Variants in MAST2 observed in about 807,000 individuals in gnomAD.
MAST2 encodes the protein microtubule associated serine/threonine kinase 2.
In MAST2, 70 loss-of-function variants were observed where a neutral mutation model predicts 147.4. The ratio of observed to expected loss-of-function variants is 0.47; its 90% CI spans 0.39 to 0.58. The LOEUF is 0.58. MAST2 is among the 20% of genes least tolerant of loss of function. The pLI is 0.00. For synonymous variants in MAST2, 869 were observed against 896.8 expected, an observed-to-expected ratio of 0.97 and a Z score of 0.55; for missense variants, 2,080 against 2,302.3, an observed-to-expected ratio of 0.90 and a Z score of 1.98.
At position 45,985,261 on chromosome 1, in the gene MAST2, G is replaced by GT. The variant is rs1232993332; in HGVS notation, c.593-12451dup. Among the ~76,000 whole-genome samples the GT allele has an allele frequency of 4.5e-3, 638 of 143,216 alleles. 3 individuals carry two copies. Among genetic ancestry groups the GT allele is most frequent in the African/African-American group, 0.012 (482 of 39,540 alleles). The allele number at this position is 143,216 out of a possible 152,430, so 94.0% of individuals were successfully genotyped here. ...CCTGCTAATTTTTGTGTGTGTGTGT[G>GT]TTTTTTTTTTTTAGTAGAGACCAGG... On this transcript the variant is annotated intron_variant, in intron 5 of 28. Transcript: ENST00000361297.
chr1:45,880,233 A>T (rs1646784233), intron 3 of MAST2, among the ~76,000 whole-genome samples: 1 of 152,228 alleles, frequency 6.6e-6, no homozygotes, highest in Non-Finnish European at 1.5e-5. Flanking sequence ...TCATATTGCC[A>T]TTGTTACCTG....
At chr1:45,978,265 A>G (rs770199940) in intron 5 of MAST2, among the ~76,000 whole-genome samples, 10 of 152,030 alleles carry the variant, frequency 6.6e-5, no homozygotes, top group Non-Finnish European at 1.2e-4. Context: ...TGTAATGCCA[A>G]CCTTTTGGGA....
At chr1:45,826,454 G>C (rs930644477) in intron 2 of MAST2, among the ~76,000 whole-genome samples, 2 of 152,146 alleles carry the variant, frequency 1.3e-5, no homozygotes, top group Non-Finnish European at 2.9e-5. Flanking sequence ...CTGGGCTCAA[G>C]TGATCCTCCC....
intron 3 of MAST2, among the ~76,000 whole-genome samples, chr1:45,880,693 T>C (rs1646804971): frequency 6.6e-6 from 1 of 152,018 alleles, no homozygotes; most frequent in South Asian, 2.1e-4. Context: ...TTGTGAAAAG[T>C]AAACCGGCTG....
At chr1:45,806,019 C>CT (rs1221463646) in intron 1 of MAST2, among the ~76,000 whole-genome samples, 1 of 152,104 alleles carries the variant, frequency 6.6e-6, no homozygotes, top group African/African-American at 2.4e-5. Flanking sequence ...TCACCGAAAG[C>CT]TTTTTTTGTG....
chr1:45,822,442 C>T (rs1380034725), intron 1 of MAST2, among the ~76,000 whole-genome samples: 4 of 152,054 alleles, frequency 2.6e-5, no homozygotes, highest in Non-Finnish European at 4.4e-5. Context: ...CCTCTGTTAT[C>T]TGGTTTCTTT....
At chr1:45,895,921 C>G (rs1648657748) in intron 4 of MAST2, among the ~76,000 whole-genome samples, 1 of 152,134 alleles carries the variant, frequency 6.6e-6, no homozygotes, top group South Asian at 2.1e-4. Flanking sequence ...AATATTTACA[C>G]TTTTCTTTGG....
In MAST2 at chr1:45,885,028, C is replaced by G. The variant is rs564099906; in HGVS notation, c.500+2633C>G. 2.0e-5 allele frequency among the ~76,000 whole-genome samples: 3 copies of G among 152,266 alleles called. No individual in the cohort carries two copies. The East Asian group carries it at 5.8e-4, about 29-fold the overall frequency. On this transcript the variant is annotated intron_variant, in intron 4 of 28. Coordinates refer to ENST00000361297, the MANE Select transcript of MAST2 (RefSeq NM_015112.3). ...TGTAGTAAAGAAAACAGGTAAGAAC[C>G]ACAAAACAAATATTTGAATAAGTTT...
intron 3 of MAST2, among the ~76,000 whole-genome samples, chr1:45,875,660 A>G (rs557340758): frequency 2.8e-4 from 42 of 152,216 alleles, no homozygotes; most frequent in Non-Finnish European, 5.6e-4. Context: ...TTAAAGATAG[A>G]TATTTTGGAA....
intron 1 of MAST2, among the ~76,000 whole-genome samples, chr1:45,819,768 C>G (rs1343935563): frequency 2.0e-5 from 3 of 152,032 alleles, no homozygotes; most frequent in Non-Finnish European, 2.9e-5. Context: ...CCATAGTACC[C>G]AAAGCAATCT....
chr1:45,943,525 A>T (rs1417862016), intron 4 of MAST2, among the ~76,000 whole-genome samples: 1 of 152,212 alleles, frequency 6.6e-6, no homozygotes, highest in African/African-American at 2.4e-5. Flanking sequence ...TATGAAACTT[A>T]TGAAATGTTT....
chr1:45,844,292 T>TTTTA (rs1164179915), intron 3 of MAST2, among the ~76,000 whole-genome samples: 1 of 151,926 alleles, frequency 6.6e-6, no homozygotes, highest in Admixed American at 6.6e-5. Flanking sequence ...ATTTTTAAAC[T>TTTTA]TTTATTTATT....
rs567189827 is a variant in MAST2 at position 46,024,949 on chromosome 1, A to G, written c.1781-728A>G. Among the ~76,000 whole-genome samples, 53 of 152,342 alleles carry G rather than the reference A, an allele frequency of 3.5e-4. 1 individual carries two copies. In the South Asian group the frequency reaches 9.9e-3, roughly 29 times the overall value. On this transcript the variant is annotated intron_variant, in intron 15 of 28. Transcript: ENST00000361297. Reference sequence around the variant, plus strand: ...ATGTGGCTGGGGAGGCCTCACAATCATGGCAGAAGGTGAAAGGCATGTCTC... The same window carrying G: ...ATGTGGCTGGGGAGGCCTCACAATCGTGGCAGAAGGTGAAAGGCATGTCTC...
chr1:45,930,309 G>C (rs552901713), intron 4 of MAST2, among the ~76,000 whole-genome samples: 131 of 152,190 alleles, frequency 8.6e-4, no homozygotes, highest in South Asian at 1.9e-3. Context: ...TTGAACTCCT[G>C]ACCTCATGAT....
Position 46,034,604 on chromosome 1 carries a change from G to GGC in MAST2, c.3936_3937dup (p.His1313ArgfsTer59). On this transcript the variant is annotated frameshift_variant, in exon 29 of 29. Coordinates refer to ENST00000361297, the MANE Select transcript of MAST2 (RefSeq NM_015112.3). LOFTEE classifies it low-confidence loss of function (END_TRUNC). ...GTGCCCAGTTCCCCAGCCGGCTCTGGGCACACACGGCCCAGCTCCCTCCAC... is the reference window on the plus strand; with the variant it reads ...GTGCCCAGTTCCCCAGCCGGCTCTGGGCGCACACACGGCCCAGCTCCCTCCAC... 1 of 1,614,058 alleles carries GGC rather than the reference G, an allele frequency of 6.2e-7. No individual in the cohort carries two copies. Among genetic ancestry groups the GGC allele is most frequent in the Non-Finnish European group, 8.5e-7 (1 of 1,180,014 alleles).
intron 7 of MAST2, among the ~76,000 whole-genome samples, chr1:46,005,362 C>CAA (rs35830016): frequency 0.019 from 1,933 of 101,098 alleles, 41 homozygotes; most frequent in African/African-American, 0.066. Flanking sequence ...AACTCTGTCT[C>CAA]AAAAAAAAAA....
At chr1:45,853,095 A>G (rs1645674677) in intron 3 of MAST2, among the ~76,000 whole-genome samples, 1 of 151,560 alleles carries the variant, frequency 6.6e-6, no homozygotes, top group Non-Finnish European at 1.5e-5. Flanking sequence ...CATGCTCACT[A>G]ATTTTTGTAT....
At chr1:45,933,236 A>AGGG (rs373786962) in intron 4 of MAST2, among the ~76,000 whole-genome samples, 48 of 64,418 alleles carry the variant, frequency 7.5e-4, no homozygotes, top group South Asian at 5.2e-3. Flanking sequence ...AAAAAAAAAA[A>AGGG]GCGGGGGGGT....
At chr1:45,956,050 C>T (rs1297003832) in intron 4 of MAST2, among the ~76,000 whole-genome samples, 1 of 152,156 alleles carries the variant, frequency 6.6e-6, no homozygotes. Context: ...TACTAATCTG[C>T]AGTCTGTCAC....
Sources: allele counts gnomAD v4.1 joint callset (sites outside exome capture counted in the v4.1 genomes callset), GRCh38; gene constraint gnomAD v4.1.1; transcripts MANE v1.5; gene names NCBI Gene and HGNC (gene_info 2026-07-23, HGNC 2026-07-21).